Variants in ANTXR2 observed in about 807,000 individuals in gnomAD.
ANTXR2 encodes the protein ANTXR cell adhesion molecule 2.
In ANTXR2, 44 loss-of-function variants were observed where a neutral mutation model predicts 73.7. The ratio of observed to expected loss-of-function variants is 0.60; its 90% CI spans 0.47 to 0.77. The LOEUF (loss-of-function observed/expected upper bound fraction) is 0.77, where lower values mean the gene tolerates loss of function less well. Ranked by LOEUF, ANTXR2 falls within the 30% of genes least tolerant of loss-of-function variation. The probability of loss-of-function intolerance (pLI) is 0.00; values close to 1 mark genes in which losing one functional copy is unlikely to be tolerated. For missense variants in ANTXR2, 604 were observed against 592.5 expected (o/e 1.02, Z -0.20); for synonymous variants, 217 against 205.9 (o/e 1.05, Z -0.46).
At chr4:79,918,943 C>T (rs1256258287) in intron 16 of ANTXR2, among the ~76,000 whole-genome samples, 3 of 152,132 alleles carry the variant, frequency 2.0e-5, no homozygotes, top group Non-Finnish European at 2.9e-5. Flanking sequence ...GCAATGTTCG[C>T]ATATTGTTCT....
chr4:80,058,664 T>G (rs1734109841), intron 3 of ANTXR2, among the ~76,000 whole-genome samples: 2 of 126,784 alleles, frequency 1.6e-5, no homozygotes, highest in African/African-American at 5.6e-5. Flanking sequence ...AAATCATTCA[T>G]CCCCACTGTA....
intron 12 of ANTXR2, among the ~76,000 whole-genome samples, chr4:79,991,273 TA>T (rs550482460): frequency 4.6e-5 from 7 of 151,842 alleles, no homozygotes; most frequent in Middle Eastern, 3.4e-3. Context: ...CAACCTCATT[TA>T]AAAAAATGGG....
intron 15 of ANTXR2, 121 bp downstream of exon 15, chr4:79,977,886 G>T: frequency 7.8e-7 from 1 of 1,279,908 alleles, no homozygotes; most frequent in Admixed American, 2.7e-5. Context: ...TGTTAAGAGT[G>T]TACAATGAAT....
At chr4:80,063,681 T>C (rs890092575) in intron 3 of ANTXR2, among the ~76,000 whole-genome samples, 1 of 152,134 alleles carries the variant, frequency 6.6e-6, no homozygotes, top group African/African-American at 2.4e-5. Context: ...ATACTAAGAG[T>C]GTCTGCTACT....
At chr4:80,026,451 A>C (rs1732447862) in intron 10 of ANTXR2, among the ~76,000 whole-genome samples, 1 of 152,148 alleles carries the variant, frequency 6.6e-6, no homozygotes, top group Non-Finnish European at 1.5e-5. Flanking sequence ...AGAACGGACT[A>C]ATACATTTAG....
chr4:79,945,150 A>G (rs1219917548), intron 16 of ANTXR2, among the ~76,000 whole-genome samples: 1 of 152,062 alleles, frequency 6.6e-6, no homozygotes, highest in Non-Finnish European at 1.5e-5. Context: ...TGTTCACTGA[A>G]GGCAATGGTG....
chr4:80,050,267 T>A (rs1184772467), intron 7 of ANTXR2, among the ~76,000 whole-genome samples: 1 of 151,760 alleles, frequency 6.6e-6, no homozygotes, highest in African/African-American at 2.4e-5. Context: ...GCTTGAGGAT[T>A]TAATACCAGC....
At chr4:80,051,065 CTTTG>C (rs973624399) in intron 7 of ANTXR2, among the ~76,000 whole-genome samples, 1 of 151,620 alleles carries the variant, frequency 6.6e-6, no homozygotes, top group Non-Finnish European at 1.5e-5. Flanking sequence ...GTTCTGTGCT[CTTTG>C]TTTCTCATTA....
At chr4:80,015,250 C>T (rs1325770544) in intron 11 of ANTXR2, among the ~76,000 whole-genome samples, 1 of 152,178 alleles carries the variant, frequency 6.6e-6, no homozygotes, top group Non-Finnish European at 1.5e-5. Flanking sequence ...ATTTACCTCT[C>T]GCTTTGGATG....
chr4:80,052,089 T>C (rs967794181), intron 7 of ANTXR2, among the ~76,000 whole-genome samples: 5 of 151,682 alleles, frequency 3.3e-5, no homozygotes, highest in African/African-American at 9.7e-5. Context: ...TCTGCCTTCA[T>C]AGTGCCACAT....
At chr4:79,908,668 C>T (rs1238856892) in intron 16 of ANTXR2, among the ~76,000 whole-genome samples, 1 of 152,092 alleles carries the variant, frequency 6.6e-6, no homozygotes, top group Admixed American at 6.5e-5. Flanking sequence ...ATTTTTATTA[C>T]TTACTTTGTG....
chr4:79,973,960 G>A (rs1315937840), intron 16 of ANTXR2, among the ~76,000 whole-genome samples: 1 of 152,240 alleles, frequency 6.6e-6, no homozygotes, highest in Non-Finnish European at 1.5e-5. Flanking sequence ...AAGCTTACCT[G>A]ATTTTCTTGA....
At chr4:79,963,418 C>T (rs369024713) in intron 16 of ANTXR2, among the ~76,000 whole-genome samples, 1 of 152,068 alleles carries the variant, frequency 6.6e-6, no homozygotes, top group South Asian at 2.1e-4. Context: ...AGTGTTCTGT[C>T]AGACTGAATA....
chr4:79,979,359 C>G (rs1233165889), intron 14 of ANTXR2, among the ~76,000 whole-genome samples: 3 of 151,538 alleles, frequency 2.0e-5, no homozygotes, highest in Non-Finnish European at 4.4e-5. Context: ...ATAAGAGCTA[C>G]CGAGGGCACA....
intron 12 of ANTXR2, among the ~76,000 whole-genome samples, chr4:80,002,855 A>T (rs1437814797): frequency 6.6e-6 from 1 of 150,630 alleles, no homozygotes; most frequent in Non-Finnish European, 1.5e-5. Flanking sequence ...TCAAAACCAC[A>T]ATGAGATACC....
rs1391881367 is a variant in ANTXR2 at position 79,978,182 on chromosome 4, A to G, written c.1180-8T>C. ...TTTATCACCCCAACGAACCTGTAAAACAAAGGGAGAGTACTGTTATCAGAC... is the reference window on the plus strand; with the variant it reads ...TTTATCACCCCAACGAACCTGTAAAGCAAAGGGAGAGTACTGTTATCAGAC... On this transcript the variant is annotated splice_polypyrimidine_tract_variant and splice_region_variant and intron_variant, in intron 14 of 16. Coordinates refer to ENST00000403729, the MANE Select transcript of ANTXR2 (RefSeq NM_058172.6). The G allele has an allele frequency of 6.2e-7, 1 of 1,613,240 alleles. No individual in the cohort carries two copies. The highest frequency in any genetic ancestry group is 1.3e-5 in the African/African-American group (1 of 74,878).
chr4:79,924,414 C>T (rs991390137), intron 16 of ANTXR2, among the ~76,000 whole-genome samples: 1 of 152,012 alleles, frequency 6.6e-6, no homozygotes, highest in Non-Finnish European at 1.5e-5. Flanking sequence ...CTGCTTGAAA[C>T]CAGAAGTTTG....
intron 16 of ANTXR2, among the ~76,000 whole-genome samples, chr4:79,957,141 T>C (rs916211728): frequency 1.3e-5 from 2 of 152,096 alleles, no homozygotes; most frequent in Non-Finnish European, 2.9e-5. Context: ...GCTAAGCTAC[T>C]CAGGAAAACA....
At chr4:80,071,522 G>C (rs371020203) in intron 2 of ANTXR2, 61 bp downstream of exon 2, 1 of 1,423,594 alleles carries the variant, frequency 7.0e-7, no homozygotes, top group Non-Finnish European at 9.9e-7. Flanking sequence ...TTTCAGAAAA[G>C]GGAAATTCTA....
Sources: gnomAD v4.1 joint callset for allele counts (sites outside exome capture counted in the v4.1 genomes callset) on GRCh38, gnomAD v4.1.1 for gene constraint, MANE v1.5 for transcripts, NCBI Gene and HGNC (gene_info 2026-07-23, HGNC 2026-07-21) for gene names.